Variants in PRDM11 observed in about 807,000 individuals in gnomAD.
PRDM11 encodes PR/SET domain 11, also known as PR domain-containing protein 11.
PRDM11 carries 20 observed loss-of-function variants against 97.8 expected under a neutral mutation model. The observed-to-expected ratio is 0.20, with a 90% CI of 0.14 to 0.30. PRDM11 has a LOEUF of 0.30. Ranked by LOEUF, PRDM11 falls within the 10% of genes least tolerant of loss-of-function variation. The pLI is 1.00. For missense variants in PRDM11, 1,139 were observed against 1,555.2 expected (o/e 0.73, Z 4.50); for synonymous variants, 599 against 637.7 (o/e 0.94, Z 0.91).
rs1229547534 is a variant in PRDM11, at chr11:45,146,815, G to A, written c.-69G>A. On this transcript the variant is annotated 5_prime_UTR_variant, in exon 1 of 8. Coordinates refer to ENST00000683152, the MANE Select transcript of PRDM11 (RefSeq NM_001384648.1). The stretch of plus-strand genomic sequence containing the variant: ...CAGCCGAGGCCGCGCCGCCTCCGCC[G>A]AGCCGCCCGCCGGGCCGCTCTCGCC... 1 of 142,672 alleles carries A rather than the reference G, an allele frequency of 7.0e-6. No homozygotes were observed. The highest frequency in any genetic ancestry group is 1.6e-5 in the Non-Finnish European group (1 of 63,752). 8.8% of individuals were successfully genotyped at this position (142,672 alleles called of 1,614,324 possible). A position where few individuals can be genotyped will look rare whatever the true frequency, so the allele number is the denominator to read the frequency against.
At chr11:45,204,350 G>C (rs1368842150) in intron 4 of PRDM11, among the ~76,000 whole-genome samples, 1 of 152,224 alleles carries the variant, frequency 6.6e-6, no homozygotes, top group Non-Finnish European at 1.5e-5. Flanking sequence ...CTTTGTAGTT[G>C]CAGTGCGAGG....
rs1410266418 is a variant in PRDM11, at chr11:45,230,592, A to T, written c.*2433A>T. 6.6e-6 allele frequency: 1 copy of T among 152,202 alleles called. No individual in the cohort carries two copies. Among genetic ancestry groups the T allele is most frequent in the Non-Finnish European group, 1.5e-5 (1 of 68,054 alleles). The allele number at this position is 152,202 out of a possible 1,614,324, so 9.4% of individuals were successfully genotyped here. On this transcript the variant is annotated 3_prime_UTR_variant, in exon 8 of 8. Coordinates refer to ENST00000683152, the MANE Select transcript of PRDM11 (RefSeq NM_001384648.1). ...CACACGCAAACTGCTGTGTCTGGGG[A>T]GTTTTCACTGAACATTGCAGAGACT...
rs1161345996 is a variant in PRDM11 at position 45,227,402 on chromosome 11, C to T, written c.2777C>T (p.Pro926Leu). Reference protein sequence around the residue: ...IQEISRLADSPGEYLQEFEEN... With the variant: ...IQEISRLADSLGEYLQEFEEN... ...GAGATCAGCCGGCTGGCTGACTCCCCGGGAGAATACCTGCAGGAGTTCGAG... is the reference window on the plus strand; with the variant it reads ...GAGATCAGCCGGCTGGCTGACTCCCTGGGAGAATACCTGCAGGAGTTCGAG... The change falls in exon 8 of 8, where the codon CCG (proline) becomes CTG (leucine). Residue 926 changes from proline (P) to leucine (L), a missense_variant. Physicochemically the swap from Pro to Leu is moderately conservative, Grantham distance 98. Around this residue, in one of 2 missense-constraint regions of PRDM11, gnomAD observed 710 missense variants for 1,044.9 expected, o/e 0.68. Coordinates refer to ENST00000683152, the MANE Select transcript of PRDM11 (RefSeq NM_001384648.1). The surrounding 1 kb of genome is among the most constrained non-coding windows in gnomAD (Gnocchi z 8.0). 3 of 1,533,866 alleles carry T rather than the reference C, an allele frequency of 2.0e-6. No individual in the cohort carries two copies. Among genetic ancestry groups the T allele is most frequent in the Non-Finnish European group, 1.7e-6 (2 of 1,146,728 alleles).
intron 5 of PRDM11, among the ~76,000 whole-genome samples, chr11:45,214,866 G>C (rs1853910943): frequency 6.6e-6 from 1 of 152,148 alleles, no homozygotes; most frequent in African/African-American, 2.4e-5. Flanking sequence ...AAGGGCTCAA[G>C]TGCCCCTTGA....
chr11:45,161,004 A>G (rs1851914446), intron 1 of PRDM11, among the ~76,000 whole-genome samples: 1 of 152,162 alleles, frequency 6.6e-6, no homozygotes, highest in Admixed American at 6.5e-5. Context: ...CAGCTGTTGT[A>G]GGAAGTGAGC....
At chr11:45,103,441 G>C (rs934894087) in intron 1 of PRDM11, among the ~76,000 whole-genome samples, 4 of 152,182 alleles carry the variant, frequency 2.6e-5, no homozygotes, top group Non-Finnish European at 5.9e-5. Context: ...ATGTGCTTTG[G>C]TAGAGACAGA....
chr11:45,119,527 G>A (rs566216878), intron 1 of PRDM11, among the ~76,000 whole-genome samples: 1 of 150,382 alleles, frequency 6.6e-6, no homozygotes, highest in East Asian at 2.0e-4. Context: ...CTACGCGGGA[G>A]GCTGAGGCAG....
At chr11:45,173,486 G>A (rs950785350) in intron 1 of PRDM11, among the ~76,000 whole-genome samples, 5 of 152,064 alleles carry the variant, frequency 3.3e-5, no homozygotes, top group Non-Finnish European at 5.9e-5. Context: ...GCTGGGCGTG[G>A]TGGCGCACGG....
At chr11:45,180,909 C>T (rs1184609189) in intron 1 of PRDM11, among the ~76,000 whole-genome samples, 1 of 152,004 alleles carries the variant, frequency 6.6e-6, no homozygotes, top group Non-Finnish European at 1.5e-5. Flanking sequence ...CGTCACGTTT[C>T]CCCGCACCCC....
At chr11:45,208,222 A>G (rs1853584807) in intron 5 of PRDM11, among the ~76,000 whole-genome samples, 1 of 152,228 alleles carries the variant, frequency 6.6e-6, no homozygotes, top group Non-Finnish European at 1.5e-5. Context: ...TTGCCTGCAC[A>G]TATGCAAAGG....
chr11:45,174,832 A>T (rs1053604715), intron 1 of PRDM11, among the ~76,000 whole-genome samples: 1 of 152,254 alleles, frequency 6.6e-6, no homozygotes, highest in African/African-American at 2.4e-5. Context: ...ACCTTAAAAT[A>T]TATCCTCCCA....
chr11:45,219,470 G>A lies in PRDM11; in HGVS notation c.555-100G>A, dbSNP rs1854050052. 2.5e-6 allele frequency: 3 copies of A among 1,212,972 alleles called. No individual in the cohort carries two copies. Among genetic ancestry groups the A allele is most frequent in the Non-Finnish European group, 3.4e-6 (3 of 870,614 alleles). The allele number at this position is 1,212,972 out of a possible 1,614,324, so 75.1% of individuals were successfully genotyped here. On this transcript the variant is annotated intron_variant, in intron 5 of 7. Coordinates refer to ENST00000683152, the MANE Select transcript of PRDM11 (RefSeq NM_001384648.1). This position sits in a 1 kb window ranked among gnomAD's most constrained non-coding sequence, Gnocchi z 4.2. The stretch of plus-strand genomic sequence containing the variant: ...GTTCACATGGGCCCACGTGCCTGTG[G>A]ACTTCTAACCATCCACACTTGCCCA...
intron 1 of PRDM11, among the ~76,000 whole-genome samples, chr11:45,100,304 C>T (rs148936862): frequency 6.6e-6 from 1 of 152,166 alleles, no homozygotes; most frequent in Admixed American, 6.5e-5. Flanking sequence ...CTTGTCCTAT[C>T]CATCAGAGTG....
intron 4 of PRDM11, among the ~76,000 whole-genome samples, chr11:45,193,925 A>G (rs528015284): frequency 6.6e-6 from 1 of 152,322 alleles, no homozygotes; most frequent in East Asian, 1.9e-4. Flanking sequence ...CACTTGGAGC[A>G]TGTCTGTTCT....
chr11:45,154,998 G>C (rs1590387290), intron 1 of PRDM11, among the ~76,000 whole-genome samples: 1 of 152,206 alleles, frequency 6.6e-6, no homozygotes, highest in African/African-American at 2.4e-5. Context: ...CTACTGCAGG[G>C]AGTGTGGCTG....
At chr11:45,132,804 C>T (rs1852747992) in intron 1 of PRDM11, among the ~76,000 whole-genome samples, 1 of 152,152 alleles carries the variant, frequency 6.6e-6, no homozygotes, top group Admixed American at 6.5e-5. Context: ...AGGGAGAAGA[C>T]CCAAAGATAG....
At chr11:45,156,690 G>C (rs1851802460) in intron 1 of PRDM11, among the ~76,000 whole-genome samples, 1 of 152,218 alleles carries the variant, frequency 6.6e-6, no homozygotes, top group African/African-American at 2.4e-5. Context: ...CTCTTGCCTG[G>C]GTCTTGGGAT....
chr11:45,188,645 C>T (rs1297186298), intron 4 of PRDM11, among the ~76,000 whole-genome samples: 7 of 152,252 alleles, frequency 4.6e-5, no homozygotes, highest in Admixed American at 3.9e-4. Context: ...AACTCTCCTT[C>T]GTGGCCTGGC....
At chr11:45,106,804 T>C (rs530193190) in intron 1 of PRDM11, among the ~76,000 whole-genome samples, 1 of 152,174 alleles carries the variant, frequency 6.6e-6, no homozygotes, top group Non-Finnish European at 1.5e-5. Flanking sequence ...TGCGTGGCAT[T>C]TTCTAGATCT....
Sources: gnomAD v4.1 joint callset for allele counts (sites outside exome capture counted in the v4.1 genomes callset) on GRCh38, gnomAD v4.1.1 for gene constraint, gnomAD v4.1.1 regional missense constraint, Gnocchi (gnomAD v3.1) non-coding constraint, MANE v1.5 for transcripts, NCBI Gene and HGNC (gene_info 2026-07-23, HGNC 2026-07-21) for gene names.